PRICKLE2: variants seen among roughly 807,000 people sequenced by gnomAD.
PRICKLE2 encodes the protein prickle-like protein 2.
In PRICKLE2, 21 loss-of-function variants were observed where a neutral mutation model predicts 81.4. The observed-to-expected ratio is 0.26, with a 90% CI of 0.18 to 0.37. The LOEUF (loss-of-function observed/expected upper bound fraction) is 0.37, where lower values mean the gene tolerates loss of function less well. PRICKLE2 is among the 10% of genes least tolerant of loss of function. PRICKLE2 has a pLI of 1.00. For synonymous variants in PRICKLE2, 456 were observed against 421.5 expected (o/e 1.08, Z -1.00); for missense variants, 940 against 1,109.0 (o/e 0.85, Z 2.16).
intron 6 of PRICKLE2, among the ~76,000 whole-genome samples, chr3:64,148,680 T>G (rs26940): frequency 0.99 from 150,295 of 152,300 alleles, 74,195 homozygotes; most frequent in Middle Eastern, 1. Context: ...TGAGAGTGGA[T>G]ACCTCATGAA....
At chr3:64,197,081 T>C (rs1270397847) in intron 2 of PRICKLE2, among the ~76,000 whole-genome samples, 1 of 152,238 alleles carries the variant, frequency 6.6e-6, no homozygotes, top group Non-Finnish European at 1.5e-5. Context: ...GAGTTTATAT[T>C]AGTATCACTA....
chr3:64,132,479 C>A (rs1160244909), intron 7 of PRICKLE2, among the ~76,000 whole-genome samples: 1 of 152,178 alleles, frequency 6.6e-6, no homozygotes, highest in Non-Finnish European at 1.5e-5. Context: ...TCTTTAATTA[C>A]CCCTTGAATA....
At chr3:64,209,874 C>T (rs1960454) in intron 1 of PRICKLE2, among the ~76,000 whole-genome samples, 4 of 152,050 alleles carry the variant, frequency 2.6e-5, no homozygotes, top group African/African-American at 7.2e-5. Context: ...TGGGTGAGGA[C>T]GGGCCTCCCA....
upstream of PRICKLE2, among the ~76,000 whole-genome samples, chr3:64,226,916 A>T (rs1203847141): frequency 2.6e-5 from 4 of 152,168 alleles, no homozygotes; most frequent in Non-Finnish European, 5.9e-5. Context: ...TCCATCATGC[A>T]CAGAAGTGTC....
intron 2 of PRICKLE2, among the ~76,000 whole-genome samples, chr3:64,197,934 G>A (rs536302509): frequency 1.5e-4 from 23 of 152,100 alleles, no homozygotes; most frequent in East Asian, 5.8e-4. Context: ...GCTGATGGCC[G>A]GGTGTGGTGG....
chr3:64,139,070 ATGT>A (rs1283483872), intron 7 of PRICKLE2, among the ~76,000 whole-genome samples: 4 of 152,220 alleles, frequency 2.6e-5, no homozygotes, highest in African/African-American at 9.6e-5. Context: ...TTATATCCTC[ATGT>A]TGTTGTTTTC....
At chr3:64,131,033 C>T (rs1293347396) in intron 7 of PRICKLE2, among the ~76,000 whole-genome samples, 1 of 152,250 alleles carries the variant, frequency 6.6e-6, no homozygotes, top group Non-Finnish European at 1.5e-5. Flanking sequence ...CAGTGAGATA[C>T]TGTCTCCCTT....
At chr3:64,128,923 T>TTA (rs1009331158) in intron 7 of PRICKLE2, among the ~76,000 whole-genome samples, 1 of 152,012 alleles carries the variant, frequency 6.6e-6, no homozygotes, top group Non-Finnish European at 1.5e-5. Context: ...TTTTTATTTT[T>TTA]TTTTTAACTT....
intron 1 of PRICKLE2, among the ~76,000 whole-genome samples, chr3:64,207,721 C>T (rs1464356536): frequency 6.6e-6 from 1 of 151,922 alleles, no homozygotes; most frequent in Admixed American, 6.6e-5. Flanking sequence ...AAGTTAGGTC[C>T]CTTCGATAAA....
chr3:64,241,904 A>T (rs2079271503), intron 2 of PRICKLE2, among the ~76,000 whole-genome samples: 1 of 152,188 alleles, frequency 6.6e-6, no homozygotes, highest in Non-Finnish European at 1.5e-5. Flanking sequence ...CCCACCAGGT[A>T]TCTAAACATG....
chr3:64,156,558 G>A (rs1016470799), intron 5 of PRICKLE2, among the ~76,000 whole-genome samples: 5 of 152,132 alleles, frequency 3.3e-5, no homozygotes, highest in African/African-American at 1.2e-4. Flanking sequence ...GCTTCTAGTA[G>A]GGGAAGAAGG....
chr3:64,266,437 A>G (rs556786343), intron 2 of PRICKLE2, among the ~76,000 whole-genome samples: 3 of 152,344 alleles, frequency 2.0e-5, no homozygotes, highest in South Asian at 4.1e-4. Context: ...AGAAATCCAG[A>G]GAGAGCTGGG....
chr3:64,251,467 C>T (rs1481233194), intron 2 of PRICKLE2, among the ~76,000 whole-genome samples: 1 of 152,176 alleles, frequency 6.6e-6, no homozygotes, highest in Non-Finnish European at 1.5e-5. Context: ...AAGTTCCCAC[C>T]AAGCAATCAT....
chr3:64,205,414 G>A (rs887450027), intron 1 of PRICKLE2, among the ~76,000 whole-genome samples: 3 of 152,236 alleles, frequency 2.0e-5, no homozygotes, highest in African/African-American at 2.4e-5. Flanking sequence ...ACCAGTGGCC[G>A]TTATCATTTG....
rs1575600679 is a variant in PRICKLE2 at position 64,157,453 on chromosome 3, T to C, written c.397-88A>G. ...ATGATAAAGGACAACCACCATTAGC[T>C]GGCTACTGAGTGCTTATGTTCAAAG... On this transcript the variant is annotated intron_variant, in intron 4 of 7. Transcript: ENST00000638394. 9 of 1,354,754 alleles carry C rather than the reference T, an allele frequency of 6.6e-6. No homozygotes were observed. In the East Asian group the frequency reaches 2.0e-4, roughly 30 times the overall value. The allele number at this position is 1,354,754 out of a possible 1,614,324, so 83.9% of individuals were successfully genotyped here.
Position 64,147,599 on chromosome 3 carries a change from G to A in PRICKLE2, c.891C>T (p.Phe297=). 6.8e-6 allele frequency: 11 copies of A among 1,614,236 alleles called. No individual in the cohort carries two copies. The highest frequency in any genetic ancestry group is 9.3e-6 in the Non-Finnish European group (11 of 1,180,042). Residue 297 remains phenylalanine, a synonymous_variant, in exon 7 of 8, where the codon TTC becomes TTT. Coordinates refer to ENST00000638394, the MANE Select transcript of PRICKLE2 (RefSeq NM_198859.4). This position sits in a 1 kb window ranked among gnomAD's most constrained non-coding sequence, Gnocchi z 5.0. ...HCKKSLLGRP[F]LPKQGQIFCS... ...AGAATATCTGGCCCTGCTTCGGGAG[G>A]AATGGCCGCCCCAGGAGGGATTTCT...
chr3:64,219,500 T>G (rs368248610), intron 1 of PRICKLE2, among the ~76,000 whole-genome samples: 1 of 152,216 alleles, frequency 6.6e-6, no homozygotes, highest in Non-Finnish European at 1.5e-5. Flanking sequence ...CTGCAGTTTT[T>G]ACTTCTCATC....
At chr3:64,124,102 A>C (rs2077070883) in intron 7 of PRICKLE2, among the ~76,000 whole-genome samples, 1 of 152,194 alleles carries the variant, frequency 6.6e-6, no homozygotes, top group South Asian at 2.1e-4. Context: ...CATGCATGAA[A>C]ATAAAGTGAC....
intron 2 of PRICKLE2, among the ~76,000 whole-genome samples, chr3:64,264,826 T>A (rs1020809197): frequency 4.6e-5 from 7 of 152,178 alleles, no homozygotes; most frequent in African/African-American, 1.7e-4. Context: ...ACGCTCCCTG[T>A]GGATTGGCAT....
Sources: allele counts gnomAD v4.1 joint callset (sites outside exome capture counted in the v4.1 genomes callset), GRCh38; gene constraint gnomAD v4.1.1; non-coding constraint Gnocchi (gnomAD v3.1); transcripts MANE v1.5; gene names NCBI Gene and HGNC (gene_info 2026-07-23, HGNC 2026-07-21).